TLCD3B: variants seen among roughly 807,000 people sequenced by gnomAD.
TLCD3B encodes TLC domain containing 3B, also known as ceramide synthase.
TLCD3B carries 9 observed loss-of-function variants against 23.0 expected under a neutral mutation model. The observed-to-expected ratio is 0.39, with a 90% CI of 0.24 to 0.68. The LOEUF (loss-of-function observed/expected upper bound fraction) is 0.68, where lower values mean the gene tolerates loss of function less well. TLCD3B is among the 30% of genes least tolerant of loss of function. The probability of loss-of-function intolerance (pLI) is 0.44; values close to 1 mark genes in which losing one functional copy is unlikely to be tolerated. For missense variants in TLCD3B, 307 were observed against 371.8 expected, an observed-to-expected ratio of 0.83 and a Z score of 1.43; for synonymous variants, 161 against 161.0, an observed-to-expected ratio of 1.00 and a Z score of 0.00.
chr16:30,033,089 A>T (rs185672128), upstream of TLCD3B: 4 of 152,332 alleles, frequency 2.6e-5, no homozygotes, highest in Admixed American at 2.6e-4. Context: ...CTCTTCTAAA[A>T]ATACAAAAAA....
chr16:30,025,194 C>T lies in TLCD3B; in HGVS notation c.814G>A (p.Ala272Thr), dbSNP rs1403058245. The stretch of plus-strand genomic sequence containing the variant: ...CCCGGCCCCCGGCCTCAGTCCTGGG[C>T]CTGGCAGGCCGGGGGCGGCCGGGAG... ...PRSRPPPACQ[A>T]QD is the part of the protein sequence containing the mutation. Residue 272 changes from alanine to threonine, a missense_variant, in exon 5 of 5, where the codon GCC (alanine) becomes ACC (threonine). Transcript: ENST00000380495. This position sits in a 1 kb window ranked among gnomAD's most constrained non-coding sequence, Gnocchi z 4.1. 6.8e-7 allele frequency: 1 copy of T among 1,474,524 alleles called. No homozygotes were observed. Among genetic ancestry groups the T allele is most frequent in the Non-Finnish European group, 8.9e-7 (1 of 1,118,306 alleles). 91.3% of individuals were successfully genotyped at this position (1,474,524 alleles called of 1,614,324 possible).
Position 30,029,705 on chromosome 16 carries a change from C to T in TLCD3B, c.126-190G>A, listed in dbSNP as rs1463495107. Among the ~76,000 whole-genome samples, 1 of 152,226 alleles carries T rather than the reference C, an allele frequency of 6.6e-6. No individual in the cohort carries two copies. The highest frequency in any genetic ancestry group is 1.9e-4 in the East Asian group (1 of 5,194). ...ACAGGTACCTCACGGCTCTCCGGCC[C>T]GCTCGGCTGCTGTTCCTCAGTCCAC... is the stretch of plus-strand genomic sequence containing the variant. On this transcript the variant is annotated intron_variant, in intron 1 of 4. Transcript: ENST00000380495. This position sits in a 1 kb window ranked among gnomAD's most constrained non-coding sequence, Gnocchi z 4.6.
At chr16:30,037,739 C>A (rs201860535) in intron 3 of TLCD3B, among the ~76,000 whole-genome samples, 1 of 136,206 alleles carries the variant, frequency 7.3e-6, no homozygotes, top group African/African-American at 2.7e-5. Flanking sequence ...CCTGCCCCCC[C>A]AAAAAAGTAG....
In TLCD3B at chr16:30,029,200, G is replaced by A. The variant is rs2071275690; in HGVS notation, c.209+232C>T. Among the ~76,000 whole-genome samples the A allele has an allele frequency of 6.6e-6, 1 of 152,180 alleles. No homozygotes were observed. Among genetic ancestry groups the A allele is most frequent in the Non-Finnish European group, 1.5e-5 (1 of 68,032 alleles). On this transcript the variant is annotated intron_variant, in intron 2 of 4. Coordinates refer to ENST00000380495, the MANE Select transcript of TLCD3B (RefSeq NM_031478.6). This position sits in a 1 kb window ranked among gnomAD's most constrained non-coding sequence, Gnocchi z 4.6. Reference sequence around the variant, plus strand: ...GGAAGCCGACTAGAAAGCGCTTTGAGGATCCTCTCTGATCCCCGCTCCTTC... The same window carrying A: ...GGAAGCCGACTAGAAAGCGCTTTGAAGATCCTCTCTGATCCCCGCTCCTTC...
chr16:30,038,745 G>T (rs1335623549), intron 3 of TLCD3B, among the ~76,000 whole-genome samples: 1 of 147,146 alleles, frequency 6.8e-6, no homozygotes, highest in Admixed American at 6.9e-5. Context: ...GCGACAGAGC[G>T]AGACTCTGTC....
upstream of TLCD3B, chr16:30,031,359 C>CA (rs1263357069): frequency 1.3e-5 from 2 of 152,410 alleles, no homozygotes; most frequent in East Asian, 3.9e-4. Context: ...TGCGGTGGCA[C>CA]AGGGGGCTGC....
chr16:30,051,041 G>A (rs111452574), intron 1 of TLCD3B, among the ~76,000 whole-genome samples: 1,801 of 152,172 alleles, frequency 0.012, 29 homozygotes, highest in African/African-American at 0.041. Flanking sequence ...AAGGAAATTA[G>A]GACGTGTGGA....
intron 3 of TLCD3B, among the ~76,000 whole-genome samples, chr16:30,037,557 A>AAAG (rs1555475110): frequency 4.0e-5 from 6 of 151,266 alleles, no homozygotes; most frequent in African/African-American, 9.7e-5. Flanking sequence ...AAAAAAAAAA[A>AAAG]AAGAAGAAGA....
upstream of TLCD3B, among the ~76,000 whole-genome samples, chr16:30,034,863 G>A (rs1228262837): frequency 3.3e-5 from 5 of 151,828 alleles, no homozygotes; most frequent in Admixed American, 1.3e-4. Flanking sequence ...GAAGTTCAGA[G>A]AAGTTAAATG....
chr16:30,026,095 C>T lies in TLCD3B; in HGVS notation c.445-274G>A, dbSNP rs568942375. ...AAAAATACCAAAAAAATTAGCCAGGCGTGTTGGTGGGCACCTGTAATCCCA... is the reference window on the plus strand; with the variant it reads ...AAAAATACCAAAAAAATTAGCCAGGTGTGTTGGTGGGCACCTGTAATCCCA... On this transcript the variant is annotated intron_variant, in intron 3 of 4. Coordinates refer to ENST00000380495, the MANE Select transcript of TLCD3B (RefSeq NM_031478.6). 9.2e-5 allele frequency among the ~76,000 whole-genome samples: 14 copies of T among 152,178 alleles called. No homozygotes were observed. The East Asian group carries it at 1.4e-3, about 15-fold the overall frequency.
rs1280517382 is a variant in TLCD3B, at chr16:30,025,972, G to A, written c.445-151C>T. The stretch of plus-strand genomic sequence containing the variant: ...TGCAGGGCTGGGTGCAGTGGCTCAC[G>A]CCGGTAATCCCAGCACTTTGGGAGG... On this transcript the variant is annotated intron_variant, in intron 3 of 4. Transcript: ENST00000380495. The surrounding 1 kb of genome is among the most constrained non-coding windows in gnomAD (Gnocchi z 4.1). The A allele has an allele frequency of 7.9e-5, 51 of 642,492 alleles. 1 individual carries two copies. Among genetic ancestry groups the A allele is most frequent in the South Asian group, 6.9e-4 (37 of 53,750 alleles). The allele number at this position is 642,492 out of a possible 1,614,324, so 39.8% of individuals were successfully genotyped here.
Position 30,024,683 on chromosome 16 carries a change from T to G in TLCD3B, c.*500A>C. ...ACTAGTTCAAATTTGGGTAAATAAA[T>G]AAAATAAATAAGATTCCTCAAGCTG... is the stretch of plus-strand genomic sequence containing the variant. On this transcript the variant is annotated 3_prime_UTR_variant, in exon 5 of 5. Coordinates refer to ENST00000380495, the MANE Select transcript of TLCD3B (RefSeq NM_031478.6). 5.4e-6 allele frequency: 1 copy of G among 184,646 alleles called. No homozygotes were observed. Among genetic ancestry groups the G allele is most frequent in the East Asian group, 1.5e-4 (1 of 6,716 alleles). 11.4% of individuals were successfully genotyped at this position (184,646 alleles called of 1,614,324 possible). A position where few individuals can be genotyped will look rare whatever the true frequency, so the allele number is the denominator to read the frequency against.
At chr16:30,026,576 C>T (rs780668926) in intron 3 of TLCD3B, 33 bp downstream of exon 3, 14 of 1,586,962 alleles carry the variant, frequency 8.8e-6, no homozygotes, top group Admixed American at 1.7e-5. Context: ...GCAGGCCACC[C>T]GCACCCCGCC....
rs1156268355 is a variant in TLCD3B, at chr16:30,029,029, C to T, written c.209+403G>A. ...CTCTCCCTCAGGCATGGAGTGGATGCCGGATGCCTGGATTATGGGAAGGGC... is the reference window on the plus strand; with the variant it reads ...CTCTCCCTCAGGCATGGAGTGGATGTCGGATGCCTGGATTATGGGAAGGGC... On this transcript the variant is annotated intron_variant, in intron 2 of 4. Coordinates refer to ENST00000380495, the MANE Select transcript of TLCD3B (RefSeq NM_031478.6). This position sits in a 1 kb window ranked among gnomAD's most constrained non-coding sequence, Gnocchi z 4.6. Among the ~76,000 whole-genome samples the T allele has an allele frequency of 6.6e-6, 1 of 152,150 alleles. No homozygotes were observed. The highest frequency in any genetic ancestry group is 2.4e-5 in the African/African-American group (1 of 41,430).
Position 30,025,312 on chromosome 16 carries a change from G to A in TLCD3B, c.696C>T (p.Ala232=). The A allele has an allele frequency of 6.4e-7, 1 of 1,565,904 alleles. No homozygotes were observed. The highest frequency in any genetic ancestry group is 8.7e-7 in the Non-Finnish European group (1 of 1,154,626). The change falls in exon 5 of 5, where the codon GCC becomes GCT. Residue 232 remains alanine (A), a synonymous_variant. Coordinates refer to ENST00000380495, the MANE Select transcript of TLCD3B (RefSeq NM_031478.6). This position sits in a 1 kb window ranked among gnomAD's most constrained non-coding sequence, Gnocchi z 4.1. ...GCAGCGCAGCGCCCAGGTTGACGTG[G>A]GCAGGGATGGCCAGGGGCACGGCCA... is the stretch of plus-strand genomic sequence containing the variant. ...PLLAVPLAIP[A]HVNLGAALLL... is the part of the protein sequence containing the mutation.
intron 3 of TLCD3B, among the ~76,000 whole-genome samples, chr16:30,037,436 C>T (rs996884337): frequency 6.7e-6 from 1 of 149,082 alleles, no homozygotes; most frequent in Non-Finnish European, 1.5e-5. Flanking sequence ...CCAGCTACTC[C>T]GGAGGCTGAG....
chr16:30,039,103 C>CTTTTTTTTTTTTTTTTTTTTTTTTTTT lies in TLCD3B; in HGVS notation c.-67+1865_-67+1891dup, dbSNP rs1018184417. 6.0e-5 allele frequency among the ~76,000 whole-genome samples: 6 copies of CTTTTTTTTTTTTTTTTTTTTTTTTTTT among 99,616 alleles called. 3 individuals carry two copies. The highest frequency in any genetic ancestry group is 3.8e-5 in the Non-Finnish European group (2 of 52,682). 65.4% of individuals were successfully genotyped at this position (99,616 alleles called of 152,430 possible). ...TTATCCTTCTCCTCCTCCTTCCTCT[C>CTTTTTTTTTTTTTTTTTTTTTTTTTTT]TTTTTTTTTTTTTTTTTTTTTTTTT... On this transcript the variant is annotated intron_variant, in intron 3 of 6. Transcript: ENST00000561666.
rs773305621 is a variant in TLCD3B, at chr16:30,030,486, T to A, written c.42A>T (p.Gly14=). The change falls in exon 1 of 5, where the codon GGA becomes GGT. Residue 14 remains glycine, a synonymous_variant. Transcript: ENST00000380495. ...GCGTGTTCTTGGAGAGGAGGAAGAG[T>A]CCGGGGAACACCACCCCCCCGGCCA... ...PMVAGGVVFP[G]LFLLSKNTLQ... The A allele has an allele frequency of 6.2e-7, 1 of 1,602,100 alleles. No homozygotes were observed. The highest frequency in any genetic ancestry group is 8.5e-7 in the Non-Finnish European group (1 of 1,175,670).
At chr16:30,052,106 C>A (rs538020800) in intron 1 of TLCD3B, among the ~76,000 whole-genome samples, 98 of 152,132 alleles carry the variant, frequency 6.4e-4, no homozygotes, top group Non-Finnish European at 1.2e-3. Flanking sequence ...GTGGCTCATG[C>A]CAGTAATCCT....
Sources: gnomAD v4.1 joint callset for allele counts (sites outside exome capture counted in the v4.1 genomes callset) on GRCh38, gnomAD v4.1.1 for gene constraint, Gnocchi (gnomAD v3.1) non-coding constraint, MANE v1.5 for transcripts, NCBI Gene and HGNC (gene_info 2026-07-23, HGNC 2026-07-21) for gene names.